Variants in MSI2 observed in about 807,000 individuals in gnomAD.
The protein encoded by MSI2 is RNA-binding protein Musashi homolog 2.
A neutral mutation model predicts 45.6 loss-of-function variants in MSI2; 17 were observed. The observed-to-expected ratio is 0.37, with a 90% CI of 0.26 to 0.56. The LOEUF (loss-of-function observed/expected upper bound fraction) is 0.56. Ranked by LOEUF, MSI2 falls within the 20% of genes least tolerant of loss-of-function variation. MSI2 has a pLI of 0.77. For synonymous variants in MSI2, 156 were observed against 158.2 expected, an observed-to-expected ratio of 0.99 and a Z score of 0.11; for missense variants, 293 against 444.2, an observed-to-expected ratio of 0.66 and a Z score of 3.06.
At chr17:57,491,952 T>G (rs1470004997) in intron 6 of MSI2, among the ~76,000 whole-genome samples, 2 of 152,182 alleles carry the variant, frequency 1.3e-5, no homozygotes, top group Non-Finnish European at 2.9e-5. Flanking sequence ...ATTTTCTTTC[T>G]CTGAGTTCTG....
At chr17:57,290,723 T>C (rs1910331245) in intron 5 of MSI2, among the ~76,000 whole-genome samples, 1 of 152,228 alleles carries the variant, frequency 6.6e-6, no homozygotes, top group Non-Finnish European at 1.5e-5. Context: ...CTGGGCATGC[T>C]GAAATCGGTG....
At chr17:57,572,756 G>A (rs1266720215) in intron 7 of MSI2, among the ~76,000 whole-genome samples, 1 of 152,164 alleles carries the variant, frequency 6.6e-6, no homozygotes, top group African/African-American at 2.4e-5. Flanking sequence ...AGCTGAGCTC[G>A]GCCGACCTCC....
At chr17:57,410,579 G>A (rs1439629018) in intron 6 of MSI2, among the ~76,000 whole-genome samples, 2 of 123,894 alleles carry the variant, frequency 1.6e-5, no homozygotes, top group Non-Finnish European at 3.4e-5. Context: ...AGCAAAATAA[G>A]GATTTAATTA....
At chr17:57,626,931 C>T (rs1324845487) in intron 9 of MSI2, 4 of 483,348 alleles carry the variant, frequency 8.3e-6, no homozygotes, top group Non-Finnish European at 1.5e-5. Flanking sequence ...CAGAGCCAGG[C>T]GCAGGCTTTG....
rs544004772 is a variant in MSI2, at chr17:57,482,648, G to A, written c.406-47028G>A. 1.3e-3 allele frequency among the ~76,000 whole-genome samples: 205 copies of A among 152,260 alleles called. 1 individual carries two copies. Among genetic ancestry groups the A allele is most frequent in the African/African-American group, 4.8e-3 (201 of 41,562 alleles). ...TAGGGTCTCAGCATCTTCATCTGAA[G>A]CATGAGAAGTTTGGGGTGGTCCCTT... On this transcript the variant is annotated intron_variant, in intron 6 of 13. Coordinates refer to ENST00000284073, the MANE Select transcript of MSI2 (RefSeq NM_138962.4).
intron 5 of MSI2, among the ~76,000 whole-genome samples, chr17:57,347,795 G>A (rs947869402): frequency 9.2e-5 from 14 of 152,208 alleles, no homozygotes; most frequent in African/African-American, 3.1e-4. Context: ...TCCTTCTCAA[G>A]TCATTTCAGC....
chr17:57,269,287 G>A lies in MSI2; in HGVS notation c.312+7095G>A, dbSNP rs528646588. Among the ~76,000 whole-genome samples the A allele has an allele frequency of 1.1e-4, 16 of 152,284 alleles. No individual in the cohort carries two copies. The South Asian group carries it at 3.1e-3, about 30-fold the overall frequency. ...TAGAAGGCCTCAAGGGCCCAATAAG[G>A]CAAACTGACAGGTGCTGTGGGGAAC... On this transcript the variant is annotated intron_variant, in intron 5 of 13. Coordinates refer to ENST00000284073, the MANE Select transcript of MSI2 (RefSeq NM_138962.4).
At chr17:57,443,849 C>T (rs75891164) in intron 6 of MSI2, among the ~76,000 whole-genome samples, 1,541 of 152,256 alleles carry the variant, frequency 0.01, 29 homozygotes, top group African/African-American at 0.035. Context: ...CCCAGGGCAA[C>T]GTGCCTGGGA....
intron 5 of MSI2, among the ~76,000 whole-genome samples, chr17:57,345,474 C>T (rs1182466070): frequency 6.6e-6 from 1 of 151,898 alleles, no homozygotes; most frequent in East Asian, 1.9e-4. Flanking sequence ...TTCTTATTTC[C>T]CCTTCTTATA....
downstream of MSI2, among the ~76,000 whole-genome samples, chr17:57,688,948 G>A (rs895898468): frequency 2.0e-5 from 3 of 152,110 alleles, no homozygotes; most frequent in Non-Finnish European, 4.4e-5. Flanking sequence ...AAAAGAGCTG[G>A]GATCCACATT....
At chr17:57,647,156 C>T (rs117504181) in intron 10 of MSI2, among the ~76,000 whole-genome samples, 2,218 of 151,468 alleles carry the variant, frequency 0.015, 23 homozygotes, top group Middle Eastern at 0.045. Context: ...AGGCCAGGCA[C>T]GGTGGCTCAC....
At chr17:57,677,655 A>G (rs2144759043) in intron 13 of MSI2, among the ~76,000 whole-genome samples, 1 of 152,376 alleles carries the variant, frequency 6.6e-6, no homozygotes, top group South Asian at 2.1e-4. Flanking sequence ...AGATTACTGC[A>G]CGAAAAGCAA....
chr17:57,525,522 A>C (rs890815087), intron 6 of MSI2, among the ~76,000 whole-genome samples: 2 of 152,178 alleles, frequency 1.3e-5, no homozygotes, highest in Non-Finnish European at 2.9e-5. Flanking sequence ...TCCTGGCCTC[A>C]AGCGATTTTC....
intron 8 of MSI2, among the ~76,000 whole-genome samples, chr17:57,604,624 A>G (rs1906319363): frequency 6.6e-6 from 1 of 152,148 alleles, no homozygotes; most frequent in Non-Finnish European, 1.5e-5. Flanking sequence ...AGAAAAATCC[A>G]CTTCTAAGAG....
At chr17:57,288,479 G>C (rs1486889975) in intron 5 of MSI2, among the ~76,000 whole-genome samples, 1 of 152,188 alleles carries the variant, frequency 6.6e-6, no homozygotes. Context: ...TTGCTAAACT[G>C]AGAGTTAGCC....
At chr17:57,489,376 C>T (rs1165500603) in intron 6 of MSI2, among the ~76,000 whole-genome samples, 1 of 152,142 alleles carries the variant, frequency 6.6e-6, no homozygotes, top group Non-Finnish European at 1.5e-5. Context: ...GGTCCAGGAG[C>T]AGGTGCTCCC....
chr17:57,579,445 G>A (rs1002618044), intron 7 of MSI2, among the ~76,000 whole-genome samples: 4 of 152,210 alleles, frequency 2.6e-5, no homozygotes, highest in Non-Finnish European at 4.4e-5. Context: ...GCCTCAAGGT[G>A]TGCCCTGTGG....
At chr17:57,545,583 G>A (rs1034803300) in intron 7 of MSI2, among the ~76,000 whole-genome samples, 1 of 152,222 alleles carries the variant, frequency 6.6e-6, no homozygotes, top group Non-Finnish European at 1.5e-5. Context: ...GGGCATCACC[G>A]ATGGGGGGAC....
chr17:57,666,509 G>C (rs957001278), intron 11 of MSI2, among the ~76,000 whole-genome samples: 3 of 152,206 alleles, frequency 2.0e-5, no homozygotes, highest in Admixed American at 2.0e-4. Flanking sequence ...TCCAGGCCCT[G>C]TTTTGTCCCT....
Sources: gnomAD v4.1 joint callset for allele counts (sites outside exome capture counted in the v4.1 genomes callset) on GRCh38, gnomAD v4.1.1 for gene constraint, MANE v1.5 for transcripts, NCBI Gene and HGNC (gene_info 2026-07-23, HGNC 2026-07-21) for gene names.